Variants in DGCR8 observed in about 807,000 individuals in gnomAD.
The protein encoded by DGCR8 is DGCR8 microprocessor complex subunit.
Under a neutral mutation model 78.5 loss-of-function variants are expected in DGCR8, and 14 were observed. The observed-to-expected ratio is 0.18, with a 90% CI of 0.12 to 0.28. The LOEUF (loss-of-function observed/expected upper bound fraction) is 0.28. Among genes scored for constraint, DGCR8 ranks in the 10% least tolerant of loss-of-function variants. The probability of loss-of-function intolerance (pLI) is 1.00; values close to 1 mark genes in which losing one functional copy is unlikely to be tolerated. For synonymous variants in DGCR8, 399 were observed against 402.4 expected (o/e 0.99, Z 0.10); for missense variants, 702 against 1,022.5 (o/e 0.69, Z 4.28).
Position 20,111,351 on chromosome 22 carries a change from G to C in DGCR8, c.*1243G>C, listed in dbSNP as rs553218217. The C allele has an allele frequency of 2.5e-6, 1 of 396,368 alleles. No homozygotes were observed. The highest frequency in any genetic ancestry group is 1.3e-4 in the South Asian group (1 of 7,682). The allele number at this position is 396,368 out of a possible 1,614,324, so 24.6% of individuals were successfully genotyped here. A position where few individuals can be genotyped will look rare whatever the true frequency, so the allele number is the denominator to read the frequency against. The stretch of plus-strand genomic sequence containing the variant: ...GTCCCCCACCATGCCCCCTACAGGC[G>C]GTACTGATGGCGCTTTTTTTTTTTT... On this transcript the variant is annotated 3_prime_UTR_variant, in exon 14 of 14. Coordinates refer to ENST00000351989, the MANE Select transcript of DGCR8 (RefSeq NM_022720.7).
chr22:20,106,959 C>G, intron 11 of DGCR8: 2 of 574,612 alleles, frequency 3.5e-6, no homozygotes, highest in Non-Finnish European at 6.2e-6. Flanking sequence ...CCCTCCTCCT[C>G]GAACAGCCAG....
At chr22:20,099,124 G>T (rs540494089) in intron 9 of DGCR8, among the ~76,000 whole-genome samples, 43 of 152,128 alleles carry the variant, frequency 2.8e-4, no homozygotes, top group African/African-American at 1.0e-3. Flanking sequence ...GGTGTGCTCC[G>T]GTGGCTGCCA....
Position 20,087,041 on chromosome 22 carries a change from C to T in DGCR8, c.721-121C>T. 1.5e-6 allele frequency: 2 copies of T among 1,295,706 alleles called. No individual in the cohort carries two copies. The highest frequency in any genetic ancestry group is 2.3e-5 in the East Asian group (1 of 42,808). 80.3% of individuals were successfully genotyped at this position (1,295,706 alleles called of 1,614,324 possible). On this transcript the variant is annotated intron_variant, in intron 2 of 13. Transcript: ENST00000351989. This position sits in a 1 kb window ranked among gnomAD's most constrained non-coding sequence, Gnocchi z 4.1. ...TTCAGATGATCATGCACCCTAAGGG[C>T]ACATCTAGGCCCCCTGAGAGCACCT...
Position 20,086,628 on chromosome 22 carries a change from A to G in DGCR8, c.665A>G (p.Lys222Arg). 6.2e-7 allele frequency: 1 copy of G among 1,612,300 alleles called. No individual in the cohort carries two copies. The highest frequency in any genetic ancestry group is 8.5e-7 in the Non-Finnish European group (1 of 1,179,918). ...GAAGGAGCAGGCGGGTTCACGGCTAAAGCAATCGTTCAGAGAGACAGAGTG... is the reference window on the plus strand; with the variant it reads ...GAAGGAGCAGGCGGGTTCACGGCTAGAGCAATCGTTCAGAGAGACAGAGTG... ...DEEGAGGFTAKAIVQRDRVDE... is the reference protein window; with the variant it reads ...DEEGAGGFTARAIVQRDRVDE... Residue 222 changes from lysine (K) to arginine (R), a missense_variant, in exon 2 of 14, where the codon AAA (lysine) becomes AGA (arginine). This residue lies in a region of DGCR8 where 356 missense variants were observed against 448.9 expected (regional missense o/e 0.79). Coordinates refer to ENST00000351989, the MANE Select transcript of DGCR8 (RefSeq NM_022720.7). This position sits in a 1 kb window ranked among gnomAD's most constrained non-coding sequence, Gnocchi z 6.4.
Position 20,092,910 on chromosome 22 carries a change from A to G in DGCR8, c.1705+3A>G. 1 of 1,611,316 alleles carries G rather than the reference A, an allele frequency of 6.2e-7. No homozygotes were observed. Among genetic ancestry groups the G allele is most frequent in the Non-Finnish European group, 8.5e-7 (1 of 1,177,914 alleles). On this transcript the variant is annotated splice_donor_region_variant and intron_variant, in intron 8 of 13. Transcript: ENST00000351989. ...AAAACTTGCGAAGAATAAAGCTGGT[A>G]ACGTGCTTGCTTGGGTGTCAAAGAT... is the stretch of plus-strand genomic sequence containing the variant.
chr22:20,104,513 G>GT (rs2049747312), intron 9 of DGCR8, among the ~76,000 whole-genome samples: 1 of 152,188 alleles, frequency 6.6e-6, no homozygotes, highest in South Asian at 2.1e-4. Context: ...CTCTAGCTGT[G>GT]TGTGTGTCAG....
Position 20,089,411 on chromosome 22 carries a change from A to G in DGCR8, c.881-258A>G, listed in dbSNP as rs1382050117. Among the ~76,000 whole-genome samples, 1 of 152,152 alleles carries G rather than the reference A, an allele frequency of 6.6e-6. No homozygotes were observed. Among genetic ancestry groups the G allele is most frequent in the African/African-American group, 2.4e-5 (1 of 41,430 alleles). ...TGTGGAGGCAGGAGCTGAGGCTGGG[A>G]CTTATATCTTGCACAGACCTGTTCT... On this transcript the variant is annotated intron_variant, in intron 3 of 13. Coordinates refer to ENST00000351989, the MANE Select transcript of DGCR8 (RefSeq NM_022720.7). The surrounding 1 kb of genome is among the most constrained non-coding windows in gnomAD (Gnocchi z 4.9).
At chr22:20,082,625 C>T (rs1382586374) in intron 1 of DGCR8, among the ~76,000 whole-genome samples, 3 of 152,116 alleles carry the variant, frequency 2.0e-5, no homozygotes, top group Non-Finnish European at 4.4e-5. Flanking sequence ...CCTCAGCCTC[C>T]CAAAGTGCTG....
chr22:20,106,714 C>G lies in DGCR8; in HGVS notation c.1996+16C>G. The G allele has an allele frequency of 6.3e-7, 1 of 1,591,420 alleles. No homozygotes were observed. Among genetic ancestry groups the G allele is most frequent in the Non-Finnish European group, 8.6e-7 (1 of 1,159,582 alleles). On this transcript the variant is annotated intron_variant, in intron 11 of 13. Transcript: ENST00000351989. ...CGCGGGTGGTGTAAGGACTCCTTCTCTGCTGCCTGGTGGCCGCTGGGCGGG... is the reference window on the plus strand; with the variant it reads ...CGCGGGTGGTGTAAGGACTCCTTCTGTGCTGCCTGGTGGCCGCTGGGCGGG...
intron 11 of DGCR8, chr22:20,107,005 G>C: frequency 1.7e-6 from 1 of 576,218 alleles, no homozygotes; most frequent in Non-Finnish European, 3.1e-6. Flanking sequence ...GGAGGTGTGC[G>C]TCTTGGCGGG....
intron 9 of DGCR8, among the ~76,000 whole-genome samples, chr22:20,102,840 A>G (rs550387943): frequency 6.6e-6 from 1 of 152,322 alleles, no homozygotes; most frequent in Non-Finnish European, 1.5e-5. Flanking sequence ...CAGTTTCTAT[A>G]AAAAATTCTG....
intron 9 of DGCR8, among the ~76,000 whole-genome samples, chr22:20,097,593 A>C (rs990620863): frequency 7.2e-5 from 11 of 151,956 alleles, no homozygotes; most frequent in Non-Finnish European, 1.5e-4. Context: ...GTTACACTTG[A>C]TGATACATCA....
intron 9 of DGCR8, among the ~76,000 whole-genome samples, chr22:20,098,952 T>C (rs927067133): frequency 6.6e-6 from 1 of 152,236 alleles, no homozygotes; most frequent in Non-Finnish European, 1.5e-5. Flanking sequence ...CTTTCCTAGA[T>C]TGATTCTGTG....
chr22:20,091,580 A>C lies in DGCR8; in HGVS notation c.1452A>C (p.Pro484=). 6.2e-7 allele frequency: 1 copy of C among 1,614,254 alleles called. No homozygotes were observed. The highest frequency in any genetic ancestry group is 8.5e-7 in the Non-Finnish European group (1 of 1,180,044). ...KQAESERPIL[P]ANQKLITLSV... is the part of the protein sequence containing the mutation. ...CGGAGTCCGAGAGGCCCATCTTGCC[A>C]GCCAATCAGAAGCTCATTACTTTAT... Residue 484 remains proline, a synonymous_variant, in exon 6 of 14, where the codon CCA becomes CCC. Coordinates refer to ENST00000351989, the MANE Select transcript of DGCR8 (RefSeq NM_022720.7).
chr22:20,107,427 A>G lies in DGCR8; in HGVS notation c.2124+29A>G, dbSNP rs754123413. The G allele has an allele frequency of 6.2e-6, 10 of 1,613,298 alleles. No homozygotes were observed. The South Asian group carries it at 1.1e-4, about 18-fold the overall frequency. ...ACTGGCCATCAGCAGGTCCCAGGGCAGCCTGTGCTGCCACCCTGGAGCGTA... is the reference window on the plus strand; with the variant it reads ...ACTGGCCATCAGCAGGTCCCAGGGCGGCCTGTGCTGCCACCCTGGAGCGTA... On this transcript the variant is annotated intron_variant, in intron 12 of 13. Transcript: ENST00000351989.
In DGCR8 at chr22:20,089,701, G is replaced by A. The variant is rs768020971; in HGVS notation, c.913G>A (p.Asp305Asn). Residue 305 changes from aspartate to asparagine, a missense_variant, in exon 4 of 14, where the codon GAC (aspartate) becomes AAC (asparagine). By Grantham distance (23) the Asp-to-Asn change is conservative. This residue lies in a region of DGCR8 where 356 missense variants were observed against 448.9 expected (regional missense o/e 0.79). Transcript: ENST00000351989. The surrounding 1 kb of genome is among the most constrained non-coding windows in gnomAD (Gnocchi z 4.9). ...RGRPPTEPLP[D>N]GWIMTFHNSG... ...CCGCCCACCTACAGAGCCGCTGCCC[G>A]ACGGGTGGATCATGACATTCCATAA... 8 of 1,613,810 alleles carry A rather than the reference G, an allele frequency of 5.0e-6. No individual in the cohort carries two copies. The highest frequency in any genetic ancestry group is 1.7e-5 in the Admixed American group (1 of 59,976).
At chr22:20,091,662 G>A (rs1307529517) in intron 6 of DGCR8, 30 bp downstream of exon 6, 2 of 1,605,828 alleles carry the variant, frequency 1.2e-6, no homozygotes, top group East Asian at 2.2e-5. Context: ...AACATCAGCA[G>A]ACTGGTTATG....
At position 20,110,734 on chromosome 22, in the gene DGCR8, G is replaced by A. The variant is rs764956055; in HGVS notation, c.*626G>A. 13 of 162,234 alleles carry A rather than the reference G, an allele frequency of 8.0e-5. No individual in the cohort carries two copies. Among genetic ancestry groups the A allele is most frequent in the Non-Finnish European group, 1.7e-4 (13 of 75,004 alleles). The allele number at this position is 162,234 out of a possible 1,614,324, so 10.0% of individuals were successfully genotyped here. ...GGATTGGAGGCAAACCATCAAGGTGGTCCCTCTCCAGTCTGGACACGATGC... is the reference window on the plus strand; with the variant it reads ...GGATTGGAGGCAAACCATCAAGGTGATCCCTCTCCAGTCTGGACACGATGC... On this transcript the variant is annotated 3_prime_UTR_variant, in exon 14 of 14. Coordinates refer to ENST00000351989, the MANE Select transcript of DGCR8 (RefSeq NM_022720.7).
Position 20,111,706 on chromosome 22 carries a change from G to GCCGGGGGC in DGCR8, c.*1600_*1601insGGGGGCCC. On this transcript the variant is annotated 3_prime_UTR_variant, in exon 14 of 14. Transcript: ENST00000351989. ...TGCCATACTCTTGTGGTCTCTGTGC[G>GCCGGGGGC]CCCCCCCCCCCCCCCCACCCGTCTG... is the stretch of plus-strand genomic sequence containing the variant. 1 of 63,040 alleles carries GCCGGGGGC rather than the reference G, an allele frequency of 1.6e-5. No homozygotes were observed. Among genetic ancestry groups the GCCGGGGGC allele is most frequent in the Admixed American group, 2.0e-4 (1 of 5,092 alleles). The allele number at this position is 63,040 out of a possible 1,614,324, so 3.9% of individuals were successfully genotyped here.
Sources: allele counts gnomAD v4.1 joint callset (sites outside exome capture counted in the v4.1 genomes callset), GRCh38; gene constraint gnomAD v4.1.1; regional missense constraint gnomAD v4.1.1; non-coding constraint Gnocchi (gnomAD v3.1); transcripts MANE v1.5; gene names NCBI Gene and HGNC (gene_info 2026-07-23, HGNC 2026-07-21).